The following MALRD1 variants were observed in gnomAD, a reference collection of about 807,000 sequenced individuals.
MALRD1 encodes the protein MAM and LDL receptor class A domain containing 1.
A neutral mutation model predicts 242.1 loss-of-function variants in MALRD1; 247 were observed. The ratio of observed to expected loss-of-function variants is 1.02; its 90% confidence interval spans 0.92 to 1.13. The LOEUF is 1.13. Ranked by LOEUF, MALRD1 falls within the 50% of genes most tolerant of loss-of-function variation. MALRD1 has a pLI of 0.00. For missense variants in MALRD1, 2,989 were observed against 2,533.1 expected, an observed-to-expected ratio of 1.18 and a Z score of -3.86; for synonymous variants, 995 against 866.6, an observed-to-expected ratio of 1.15 and a Z score of -2.60.
intron 13 of MALRD1, among the ~76,000 whole-genome samples, chr10:19,169,790 C>T (rs895597307): frequency 2.6e-5 from 4 of 152,134 alleles, no homozygotes; most frequent in Admixed American, 6.5e-5. Flanking sequence ...AGTTTGTCTT[C>T]TTGGAAATAG....
In MALRD1 at chr10:19,087,908, C is replaced by T; in HGVS notation, c.409C>T (p.Pro137Ser). ...SSSLRSRVFLPTNDQHDCQIT... is the reference protein window; with the variant it reads ...SSSLRSRVFLSTNDQHDCQIT... ...AAGTTTAAGAAGCAGAGTTTTCCTT[C>T]CAACAAATGATCAACATGACTGCCA... is the stretch of plus-strand genomic sequence containing the variant. Residue 137 changes from proline (P) to serine (S), a missense_variant, in exon 3 of 40, where the codon CCA (proline) becomes TCA (serine). Pro to Ser is a moderately conservative substitution (Grantham distance 74). Coordinates refer to ENST00000454679, the MANE Select transcript of MALRD1 (RefSeq NM_001142308.3). 8.1e-7 allele frequency: 1 copy of T among 1,232,140 alleles called. No individual in the cohort carries two copies. Among genetic ancestry groups the T allele is most frequent in the East Asian group, 3.2e-5 (1 of 31,632 alleles). The allele number at this position is 1,232,140 out of a possible 1,614,324, so 76.3% of individuals were successfully genotyped here.
intron 19 of MALRD1, among the ~76,000 whole-genome samples, chr10:19,264,307 T>G (rs2131827824): frequency 6.6e-6 from 1 of 152,254 alleles, no homozygotes; most frequent in East Asian, 1.9e-4. Context: ...ATATGATCCT[T>G]TTACACTGTT....
At chr10:19,294,289 C>G (rs1054184880) in intron 21 of MALRD1, among the ~76,000 whole-genome samples, 1 of 152,058 alleles carries the variant, frequency 6.6e-6, no homozygotes, top group African/African-American at 2.4e-5. Context: ...GTAGGAAAAA[C>G]GTTTCCCAAA....
intron 36 of MALRD1, among the ~76,000 whole-genome samples, chr10:19,639,967 G>C (rs1840309389): frequency 6.6e-6 from 1 of 152,158 alleles, no homozygotes; most frequent in Non-Finnish European, 1.5e-5. Flanking sequence ...AAGCTGTGCA[G>C]GTTCCACTGA....
chr10:19,248,835 A>C (rs549397981), intron 18 of MALRD1, among the ~76,000 whole-genome samples: 2 of 150,752 alleles, frequency 1.3e-5, no homozygotes, highest in South Asian at 2.1e-4. Context: ...ATTTTAAAAA[A>C]TATGTTGTAA....
chr10:19,524,733 A>T (rs1469125267), intron 31 of MALRD1, among the ~76,000 whole-genome samples: 5 of 152,106 alleles, frequency 3.3e-5, no homozygotes, highest in Non-Finnish European at 4.4e-5. Flanking sequence ...AATGAGAAAA[A>T]AAAAGTCTAA....
intron 18 of MALRD1, among the ~76,000 whole-genome samples, chr10:19,248,121 A>G (rs866348668): frequency 3.1e-4 from 47 of 152,148 alleles, no homozygotes; most frequent in African/African-American, 1.1e-3. Context: ...CGGTTACAAG[A>G]GTATACTCTT....
At chr10:19,652,886 C>A (rs960763699) in intron 36 of MALRD1, among the ~76,000 whole-genome samples, 2 of 152,140 alleles carry the variant, frequency 1.3e-5, no homozygotes, top group African/African-American at 2.4e-5. Flanking sequence ...AGCTTTGGCT[C>A]CTGCCACCAT....
intron 34 of MALRD1, 68 bp downstream of exon 34, chr10:19,595,525 G>T (rs1406146371): frequency 3.4e-6 from 5 of 1,462,478 alleles, no homozygotes; most frequent in African/African-American, 1.4e-5. Flanking sequence ...AAGAAAGCTC[G>T]ACAGATAAAA....
chr10:19,445,806 C>T, intron 28 of MALRD1, among the ~76,000 whole-genome samples: 1 of 152,206 alleles, frequency 6.6e-6, no homozygotes, highest in Non-Finnish European at 1.5e-5. Flanking sequence ...GCTGGGAGAA[C>T]CACTACTGTC....
chr10:19,353,211 T>C (rs1184200917), intron 26 of MALRD1, among the ~76,000 whole-genome samples: 2 of 152,042 alleles, frequency 1.3e-5, no homozygotes, highest in Non-Finnish European at 2.9e-5. Flanking sequence ...CTCACTGTAT[T>C]GCCTAGGTTG....
At chr10:19,655,197 G>A (rs962758953) in intron 36 of MALRD1, among the ~76,000 whole-genome samples, 2 of 151,912 alleles carry the variant, frequency 1.3e-5, no homozygotes, top group African/African-American at 2.4e-5. Flanking sequence ...TGTTGTTGTT[G>A]TTCTCCCACA....
intron 34 of MALRD1, among the ~76,000 whole-genome samples, chr10:19,601,697 A>G (rs1435339462): frequency 3.3e-5 from 5 of 152,180 alleles, no homozygotes; most frequent in African/African-American, 9.6e-5. Context: ...ACACTTATAA[A>G]TTAGAGCTCT....
chr10:19,380,363 G>A (rs768369275), intron 26 of MALRD1, among the ~76,000 whole-genome samples: 13 of 150,354 alleles, frequency 8.6e-5, no homozygotes, highest in Admixed American at 2.7e-4. Flanking sequence ...CATGAGTTCC[G>A]CTTATTCTCT....
At chr10:19,118,121 GT>G (rs1564402780) in intron 5 of MALRD1, among the ~76,000 whole-genome samples, 1 of 152,202 alleles carries the variant, frequency 6.6e-6, no homozygotes, top group Non-Finnish European at 1.5e-5. Flanking sequence ...AGATGGTGAT[GT>G]TTAAATAGTC....
chr10:19,571,597 A>C (rs188733435), intron 33 of MALRD1, among the ~76,000 whole-genome samples: 3 of 152,294 alleles, frequency 2.0e-5, no homozygotes, highest in East Asian at 3.9e-4. Flanking sequence ...GCAGTTTTCC[A>C]ATGAAATATA....
rs80115075 is a variant in MALRD1, at chr10:19,567,832, C to T, written c.5680+129C>T. 4.0e-3 allele frequency: 3,294 copies of T among 816,834 alleles called. 77 individuals are homozygous for T. The African/African-American group carries it at 0.051, about 13-fold the overall frequency. 50.6% of individuals were successfully genotyped at this position (816,834 alleles called of 1,614,324 possible). A position where few individuals can be genotyped will look rare whatever the true frequency, so the allele number is the denominator to read the frequency against. ...GTTCTATTTACACATGGAAAAGAGT[C>T]ACATATACTAAGAAGTAAAGTTTCT... is the stretch of plus-strand genomic sequence containing the variant. On this transcript the variant is annotated intron_variant, in intron 33 of 39. Transcript: ENST00000454679.
In MALRD1 at chr10:19,666,120, T is replaced by C. The variant is rs942740682; in HGVS notation, c.6138-26162T>C. Among the ~76,000 whole-genome samples the C allele has an allele frequency of 2.0e-5, 3 of 152,328 alleles. No individual in the cohort carries two copies. In the East Asian group the frequency reaches 5.8e-4, roughly 29 times the overall value. ...TTCTTTGAGGCATGTGCCATCTGGC[T>C]ACCCTGTTTGCTACTCCTCATAGTT... is the stretch of plus-strand genomic sequence containing the variant. On this transcript the variant is annotated intron_variant, in intron 36 of 39. Transcript: ENST00000454679.
At chr10:19,502,836 A>G (rs560003200) in intron 31 of MALRD1, among the ~76,000 whole-genome samples, 2 of 152,340 alleles carry the variant, frequency 1.3e-5, no homozygotes, top group African/African-American at 2.4e-5. Flanking sequence ...AGATTAAAGT[A>G]TAGTCAATAG....
Sources: gnomAD v4.1 joint callset for allele counts (sites outside exome capture counted in the v4.1 genomes callset) on GRCh38, gnomAD v4.1.1 for gene constraint, MANE v1.5 for transcripts, NCBI Gene and HGNC (gene_info 2026-07-23, HGNC 2026-07-21) for gene names.